Variants in MATN4 observed in about 807,000 individuals in gnomAD.
MATN4 encodes the protein matrilin-4.
Under a neutral mutation model 54.6 loss-of-function variants are expected in MATN4, and 40 were observed. That is an observed-to-expected ratio of 0.73 (90% CI 0.57 to 0.95). The LOEUF is 0.95. Ranked by LOEUF, MATN4 falls within the 40% of genes least tolerant of loss-of-function variation. The pLI, the probability that MATN4 is intolerant of heterozygous loss-of-function variation, is 0.00. For missense variants in MATN4, 810 were observed against 819.1 expected, an observed-to-expected ratio of 0.99 and a Z score of 0.13; for synonymous variants, 351 against 345.3, an observed-to-expected ratio of 1.02 and a Z score of -0.18.
At chr20:45,305,711 A>AT in intron 1 of MATN4, 95 bp from the exon 2 acceptor site, 1 of 521,044 alleles carries the variant, frequency 1.9e-6, no homozygotes. Flanking sequence ...TTACAGGTTT[A>AT]TTTTACTAAT....
At chr20:45,294,280 G>GTA (rs1388527263) in intron 8 of MATN4, among the ~76,000 whole-genome samples, 2 of 152,240 alleles carry the variant, frequency 1.3e-5, no homozygotes, top group Non-Finnish European at 2.9e-5. Flanking sequence ...GTGTGTGTGT[G>GTA]TGTGTGTGCT....
intron 6 of MATN4, among the ~76,000 whole-genome samples, chr20:45,300,239 G>C (rs906120585): frequency 6.6e-6 from 1 of 152,168 alleles, no homozygotes; most frequent in Non-Finnish European, 1.5e-5. Context: ...GATGCAGCAC[G>C]TGCAGAGGCT....
intron 1 of MATN4, chr20:45,307,068 G>T: frequency 5.5e-6 from 3 of 544,428 alleles, no homozygotes; most frequent in Non-Finnish European, 8.4e-6. Context: ...CCGCCGAACT[G>T]CAAAAGCAGG....
At chr20:45,297,694 T>C (rs1985930287) in intron 8 of MATN4, among the ~76,000 whole-genome samples, 1 of 152,220 alleles carries the variant, frequency 6.6e-6, no homozygotes, top group Admixed American at 6.5e-5. Context: ...GTGGAAATTC[T>C]GATTCATTCG....
At chr20:45,305,885 C>T (rs1600704283) in intron 1 of MATN4, among the ~76,000 whole-genome samples, 2 of 133,768 alleles carry the variant, frequency 1.5e-5, no homozygotes, top group South Asian at 5.2e-4. Flanking sequence ...CTCACTGCAA[C>T]CTCTGCCTCC....
In MATN4 at chr20:45,306,059, C is replaced by T. The variant is rs2233089; in HGVS notation, c.-34-443G>A. Among the ~76,000 whole-genome samples, 1,168 of 152,042 alleles carry T rather than the reference C, an allele frequency of 7.7e-3. 6 individuals carry two copies. The highest frequency in any genetic ancestry group is 0.026 in the African/African-American group (1,079 of 41,440). ...ACCTCAGGTGATCCTCCCACCTCGG[C>T]CTCCCAGAATGCTGGGATTACAGGC... On this transcript the variant is annotated intron_variant, in intron 1 of 9. Transcript: ENST00000372756.
At chr20:45,305,665 T>G in intron 1 of MATN4, 49 bp from the exon 2 acceptor site, 1 of 949,424 alleles carries the variant, frequency 1.1e-6, no homozygotes, top group Non-Finnish European at 1.6e-6. Flanking sequence ...ACAGAGCTCT[T>G]ATTCTGGGTG....
At chr20:45,301,577 G>T in intron 3 of MATN4, 134 bp from the exon 4 acceptor site, 1 of 862,548 alleles carries the variant, frequency 1.2e-6, no homozygotes, top group Non-Finnish European at 1.7e-6. Context: ...ATTAGTCAGG[G>T]CCCCTGTCCT....
Position 45,305,491 on chromosome 20 carries a change from G to A in MATN4, c.73+19C>T. The A allele has an allele frequency of 6.5e-7, 1 of 1,548,678 alleles. No homozygotes were observed. The highest frequency in any genetic ancestry group is 8.7e-7 in the Non-Finnish European group (1 of 1,144,586). ...TCCGCTCCCCTCCTCCCACTGGTGAGGGCTGGGCCCCAGTTCACCTGTCAA... is the reference window on the plus strand; with the variant it reads ...TCCGCTCCCCTCCTCCCACTGGTGAAGGCTGGGCCCCAGTTCACCTGTCAA... On this transcript the variant is annotated intron_variant, in intron 2 of 9. Coordinates refer to ENST00000372756, the MANE Select transcript of MATN4 (RefSeq NM_001393530.1).
Position 45,304,422 on chromosome 20 carries a change from G to A in MATN4, c.449C>T (p.Pro150Leu), listed in dbSNP as rs1259977525. 5 of 1,528,092 alleles carry A rather than the reference G, an allele frequency of 3.3e-6. No individual in the cohort carries two copies. The highest frequency in any genetic ancestry group is 3.5e-6 in the Non-Finnish European group (4 of 1,134,622). The allele number at this position is 1,528,092 out of a possible 1,614,324, so 94.7% of individuals were successfully genotyped here. The part of the protein sequence containing the change: ...RVAVIVTDGR[P>L]QDRVAEVAAQ... ...CGCCACCTCGGCCACGCGGTCCTGGGGCCGCCCGTCTGTCACGATGACAGC... is the reference window on the plus strand; with the variant it reads ...CGCCACCTCGGCCACGCGGTCCTGGAGCCGCCCGTCTGTCACGATGACAGC... Residue 150 changes from proline (P) to leucine (L), a missense_variant, in exon 3 of 10, where the codon CCC (proline) becomes CTC (leucine). By Grantham distance (98) the Pro-to-Leu change is moderately conservative. Transcript: ENST00000372756.
chr20:45,297,914 T>A lies in MATN4; in HGVS notation c.1579+4A>T, dbSNP rs1406957887. ...AGGAGGAGCCCCGAGAGAGATGCGC[T>A]CACCTGGACAGATGCTGCCTCTGAG... On this transcript the variant is annotated splice_donor_region_variant and intron_variant, in intron 8 of 9. Coordinates refer to ENST00000372756, the MANE Select transcript of MATN4 (RefSeq NM_001393530.1). The A allele has an allele frequency of 1.2e-6, 2 of 1,614,022 alleles. No individual in the cohort carries two copies. Among genetic ancestry groups the A allele is most frequent in the Admixed American group, 3.3e-5 (2 of 60,012 alleles).
Position 45,297,906 on chromosome 20 carries a change from A to G in MATN4, c.1579+12T>C, listed in dbSNP as rs1266638314. 3.7e-6 allele frequency: 6 copies of G among 1,613,974 alleles called. No homozygotes were observed. The highest frequency in any genetic ancestry group is 5.1e-6 in the Non-Finnish European group (6 of 1,179,896). ...TGAGAGAGAGGAGGAGCCCCGAGAG[A>G]GATGCGCTCACCTGGACAGATGCTG... On this transcript the variant is annotated intron_variant, in intron 8 of 9. Transcript: ENST00000372756.
chr20:45,305,802 A>ATTTTTT (rs1050722306), intron 1 of MATN4, among the ~76,000 whole-genome samples, 186 bp from the exon 2 acceptor site: 4 of 12,170 alleles, frequency 3.3e-4, no homozygotes, highest in Admixed American at 1.8e-3. Context: ...AACACAAGAG[A>ATTTTTT]TTCTTTTTTT....
chr20:45,308,049 G>A, intron 1 of MATN4, 126 bp downstream of exon 1: 1 of 800,962 alleles, frequency 1.2e-6, no homozygotes, highest in Non-Finnish European at 2.1e-6. Flanking sequence ...CTGCAGAAGT[G>A]GGGAAGGGCA....
At chr20:45,308,345 T>TGGAGA (rs1986932827), upstream of MATN4, 2 of 822,264 alleles carry the variant, frequency 2.4e-6, no homozygotes, top group Non-Finnish European at 4.0e-6. Flanking sequence ...GGCTGGCGGG[T>TGGAGA]GGGGAGGGGA....
intron 8 of MATN4, 125 bp from the exon 9 acceptor site, chr20:45,294,140 C>G: frequency 1.4e-6 from 1 of 721,694 alleles, no homozygotes; most frequent in Non-Finnish European, 2.3e-6. Flanking sequence ...TGGGCTGAGT[C>G]CCAAGCTAAG....
intron 1 of MATN4, among the ~76,000 whole-genome samples, chr20:45,307,148 C>T (rs905761300): frequency 6.6e-6 from 1 of 152,134 alleles, no homozygotes; most frequent in African/African-American, 2.4e-5. Flanking sequence ...TTCACTAAAC[C>T]TCATTTCCTT....
At chr20:45,295,159 C>A (rs931651028) in intron 8 of MATN4, among the ~76,000 whole-genome samples, 2 of 152,080 alleles carry the variant, frequency 1.3e-5, no homozygotes, top group African/African-American at 4.8e-5. Flanking sequence ...ATCCCAAAAC[C>A]ATTCTCCCCA....
chr20:45,307,682 C>T (rs1281208066), intron 1 of MATN4, among the ~76,000 whole-genome samples: 1 of 152,184 alleles, frequency 6.6e-6, no homozygotes, highest in East Asian at 1.9e-4. Flanking sequence ...CCTAGAAAGT[C>T]AAAATAGCAA....
Sources: gnomAD v4.1 joint callset for allele counts (sites outside exome capture counted in the v4.1 genomes callset) on GRCh38, gnomAD v4.1.1 for gene constraint, MANE v1.5 for transcripts, NCBI Gene and HGNC (gene_info 2026-07-23, HGNC 2026-07-21) for gene names.